Variants in IRGM observed in about 807,000 individuals in gnomAD.
IRGM encodes immunity related GTPase M.
For synonymous variants in IRGM, 98 were observed against 80.6 expected (o/e 1.22, Z -1.16); for missense variants, 288 against 219.9 (o/e 1.31, Z -1.96).
chr5:150,885,717 G>T (rs1448001153), intron 3 of IRGM, among the ~76,000 whole-genome samples: 3 of 152,022 alleles, frequency 2.0e-5, no homozygotes, highest in Non-Finnish European at 4.4e-5. Flanking sequence ...CTCTTGGCTT[G>T]GCTGTTGTTG....
chr5:150,873,423 A>G (rs980792711), intron 1 of IRGM, among the ~76,000 whole-genome samples: 4 of 152,158 alleles, frequency 2.6e-5, no homozygotes, highest in African/African-American at 7.2e-5. Context: ...TATGCTGTTA[A>G]TCTTTCTCCC....
intron 3 of IRGM, among the ~76,000 whole-genome samples, chr5:150,899,787 C>T (rs2113023988): frequency 6.6e-6 from 1 of 152,162 alleles, no homozygotes; most frequent in South Asian, 2.1e-4. Flanking sequence ...TAACTAATAG[C>T]AGAAACTAAT....
At chr5:150,866,746 C>G (rs1754214014) in intron 1 of IRGM, among the ~76,000 whole-genome samples, 1 of 152,158 alleles carries the variant, frequency 6.6e-6, no homozygotes, top group African/African-American at 2.4e-5. Context: ...TAACCTTTAG[C>G]ACATTCATTT....
At chr5:150,877,886 T>C in intron 1 of IRGM, 2 of 419,624 alleles carry the variant, frequency 4.8e-6, no homozygotes, top group South Asian at 3.4e-5. Context: ...AACTTAAAGA[T>C]TTCAGGTCAT....
downstream of IRGM, among the ~76,000 whole-genome samples, chr5:150,901,957 G>A (rs1347956273): frequency 6.6e-6 from 1 of 152,012 alleles, no homozygotes; most frequent in African/African-American, 2.4e-5. Context: ...TTTTCCAAAA[G>A]AAAAGCGCAA....
intron 3 of IRGM, among the ~76,000 whole-genome samples, chr5:150,881,888 AAAGT>A (rs1754451022): frequency 6.6e-6 from 1 of 152,140 alleles, no homozygotes; most frequent in Non-Finnish European, 1.5e-5. Context: ...CAAAAGATAA[AAAGT>A]AAGGAATCAG....
chr5:150,876,513 C>G (rs902978905), intron 1 of IRGM, among the ~76,000 whole-genome samples: 1 of 152,160 alleles, frequency 6.6e-6, no homozygotes, highest in Admixed American at 6.5e-5. Context: ...AAGGGAGTTA[C>G]AGTGTTGGTT....
intron 3 of IRGM, among the ~76,000 whole-genome samples, chr5:150,893,142 G>GT (rs1227720795): frequency 6.6e-6 from 1 of 151,986 alleles, no homozygotes; most frequent in Admixed American, 6.6e-5. Flanking sequence ...CAGTAAATTT[G>GT]TTTTTTCTTT....
downstream of IRGM, among the ~76,000 whole-genome samples, chr5:150,849,190 A>G (rs1377921674): frequency 1.3e-5 from 2 of 152,232 alleles, no homozygotes; most frequent in Non-Finnish European, 2.9e-5. Flanking sequence ...ACTGAGATCT[A>G]CAACAAAACC....
At chr5:150,857,933 G>C (rs1191636709) in intron 1 of IRGM, among the ~76,000 whole-genome samples, 1 of 151,472 alleles carries the variant, frequency 6.6e-6, no homozygotes, top group African/African-American at 2.4e-5. Context: ...AGTTTAATTA[G>C]ATCCCATTTG....
chr5:150,878,766 G>A (rs1201413732), intron 2 of IRGM, among the ~76,000 whole-genome samples: 1 of 144,364 alleles, frequency 6.9e-6, no homozygotes, highest in Non-Finnish European at 1.5e-5. Context: ...AAAGATAAAT[G>A]TATAATTATT....
chr5:150,855,158 T>C (rs2113256136), intron 1 of IRGM, among the ~76,000 whole-genome samples: 1 of 152,302 alleles, frequency 6.6e-6, no homozygotes, highest in South Asian at 2.1e-4. Context: ...CTAGCCAGCA[T>C]TGCTTTGAGT....
downstream of IRGM, among the ~76,000 whole-genome samples, chr5:150,851,479 C>G (rs779375490): frequency 3.9e-5 from 6 of 152,216 alleles, no homozygotes; most frequent in Non-Finnish European, 5.9e-5. Context: ...GACGGCAGGC[C>G]AGGTGTGGGG....
At chr5:150,877,424 A>G (rs774286517) in intron 1 of IRGM, among the ~76,000 whole-genome samples, 1 of 152,170 alleles carries the variant, frequency 6.6e-6, no homozygotes, top group Non-Finnish European at 1.5e-5. Context: ...GCTTCCTGCC[A>G]TCGAATATCA....
chr5:150,882,944 T>C (rs1293401519), intron 3 of IRGM, among the ~76,000 whole-genome samples: 2 of 152,064 alleles, frequency 1.3e-5, no homozygotes, highest in African/African-American at 4.8e-5. Context: ...CATAGAATAT[T>C]CTCCAATATA....
intron 3 of IRGM, among the ~76,000 whole-genome samples, chr5:150,900,308 G>C (rs1237772669): frequency 6.6e-6 from 1 of 151,970 alleles, no homozygotes; most frequent in African/African-American, 2.4e-5. Context: ...CTCCATTTTA[G>C]TTTCAAAATT....
intron 2 of IRGM, among the ~76,000 whole-genome samples, chr5:150,878,592 AATTTATCTTTATCC>A (rs1754400342): frequency 6.6e-6 from 1 of 152,116 alleles, no homozygotes; most frequent in Non-Finnish European, 1.5e-5. Flanking sequence ...ATTTATTTAG[AATTTATCTTTATCC>A]ATTTAGATAT....
intron 1 of IRGM, among the ~76,000 whole-genome samples, chr5:150,873,020 T>A (rs570264430): frequency 3.3e-5 from 5 of 152,272 alleles, no homozygotes; most frequent in Non-Finnish European, 5.9e-5. Flanking sequence ...CTACAAAATT[T>A]AAATGCAATG....
chr5:150,848,106 T>A lies in IRGM; in HGVS notation c.-18T>A. The A allele has an allele frequency of 6.5e-7, 1 of 1,528,656 alleles. No individual in the cohort carries two copies. Among genetic ancestry groups the A allele is most frequent in the Non-Finnish European group, 8.8e-7 (1 of 1,133,960 alleles). 94.7% of individuals were successfully genotyped at this position (1,528,656 alleles called of 1,614,324 possible). ...ATGAGCCACGGCGCCTGGCCAGCAT[T>A]GGGGTATTTTATTGAAGATGGAAGC... On this transcript the variant is annotated 5_prime_UTR_variant, in exon 2 of 2. The change creates a premature stop within an existing upstream ORF in the 5' untranslated region. Transcript: ENST00000522154.
Sources: allele counts gnomAD v4.1 joint callset (sites outside exome capture counted in the v4.1 genomes callset), GRCh38; gene constraint gnomAD v4.1.1; transcripts MANE v1.5; gene names NCBI Gene and HGNC (gene_info 2026-07-23, HGNC 2026-07-21).